NMNAT2: variants seen among roughly 807,000 people sequenced by gnomAD.
The protein encoded by NMNAT2 is nicotinamide nucleotide adenylyltransferase 2.
In NMNAT2, 11 loss-of-function variants were observed where a neutral mutation model predicts 41.6. The ratio of observed to expected loss-of-function variants is 0.26; its 90% CI spans 0.17 to 0.44. The LOEUF is 0.44. Among genes scored for constraint, NMNAT2 ranks in the 20% least tolerant of loss-of-function variants. NMNAT2 has a pLI of 1.00. For missense variants in NMNAT2, 288 were observed against 407.7 expected (o/e 0.71, Z 2.53); for synonymous variants, 148 against 151.2 (o/e 0.98, Z 0.16).
At chr1:183,304,698 C>A (rs759365887) in intron 1 of NMNAT2, 2 of 1,614,120 alleles carry the variant, frequency 1.2e-6, no homozygotes, top group South Asian at 2.2e-5. Context: ...CTTCCCAGAG[C>A]CCCTGGCAGG....
chr1:183,279,192 G>A (rs574390836), intron 7 of NMNAT2, among the ~76,000 whole-genome samples: 70 of 152,220 alleles, frequency 4.6e-4, no homozygotes, highest in African/African-American at 1.7e-3. Flanking sequence ...CAAGGCTGAG[G>A]CCCCTCCCAG....
intron 1 of NMNAT2, among the ~76,000 whole-genome samples, chr1:183,412,484 A>C (rs1291654968): frequency 6.6e-6 from 1 of 152,204 alleles, no homozygotes; most frequent in Non-Finnish European, 1.5e-5. Flanking sequence ...TGGCCTCCCA[A>C]AGTGCTGGGA....
intron 1 of NMNAT2, among the ~76,000 whole-genome samples, chr1:183,381,547 A>T (rs1283558231): frequency 1.3e-5 from 2 of 152,132 alleles, no homozygotes; most frequent in East Asian, 3.9e-4. Context: ...GATACAAAAA[A>T]TTAGCTGGGT....
At chr1:183,351,295 C>T (rs1160507783) in intron 1 of NMNAT2, among the ~76,000 whole-genome samples, 1 of 152,172 alleles carries the variant, frequency 6.6e-6, no homozygotes, top group Non-Finnish European at 1.5e-5. Flanking sequence ...GATGCTAGAC[C>T]CAACCTTCCC....
chr1:183,370,281 G>T (rs889337314), intron 1 of NMNAT2, among the ~76,000 whole-genome samples: 2 of 136,352 alleles, frequency 1.5e-5, no homozygotes, highest in Non-Finnish European at 3.2e-5. Flanking sequence ...CACACAGGCT[G>T]CAGTGGCAAG....
intron 1 of NMNAT2, among the ~76,000 whole-genome samples, chr1:183,415,946 AATT>A (rs1336530745): frequency 6.6e-6 from 1 of 152,118 alleles, no homozygotes; most frequent in Admixed American, 6.5e-5. Context: ...TTACTCTCTG[AATT>A]ATACTTTAAT....
intron 8 of NMNAT2, among the ~76,000 whole-genome samples, chr1:183,269,793 T>C (rs1660934981): frequency 6.6e-6 from 1 of 152,228 alleles, no homozygotes; most frequent in South Asian, 2.1e-4. Context: ...TGAATGTGAA[T>C]GGAATCCACC....
At chr1:183,258,102 C>T (rs538787187) in intron 10 of NMNAT2, among the ~76,000 whole-genome samples, 1 of 152,288 alleles carries the variant, frequency 6.6e-6, no homozygotes, top group African/African-American at 2.4e-5. Context: ...TCTTTTCCTT[C>T]CTACAGGAGC....
At chr1:183,415,651 T>C (rs1649232183) in intron 1 of NMNAT2, among the ~76,000 whole-genome samples, 1 of 152,232 alleles carries the variant, frequency 6.6e-6, no homozygotes, top group African/African-American at 2.4e-5. Context: ...GTTTCTCATT[T>C]GTAAAATAAG....
intron 1 of NMNAT2, among the ~76,000 whole-genome samples, chr1:183,308,170 C>G (rs1030944655): frequency 3.3e-5 from 5 of 152,168 alleles, no homozygotes; most frequent in Non-Finnish European, 5.9e-5. Flanking sequence ...TGCTGCTTTT[C>G]CCTCAACTGA....
chr1:183,281,898 C>A (rs534795808), intron 7 of NMNAT2, among the ~76,000 whole-genome samples: 1 of 152,248 alleles, frequency 6.6e-6, no homozygotes, highest in Non-Finnish European at 1.5e-5. Context: ...CGGGAGGCAG[C>A]GAGCTCCCTT....
At chr1:183,349,663 C>T (rs1003981463) in intron 1 of NMNAT2, among the ~76,000 whole-genome samples, 2 of 152,178 alleles carry the variant, frequency 1.3e-5, no homozygotes, top group African/African-American at 4.8e-5. Context: ...GGCTAAAATC[C>T]ACGGCAGCAG....
intron 1 of NMNAT2, among the ~76,000 whole-genome samples, chr1:183,311,361 A>G (rs1051802493): frequency 2.6e-5 from 4 of 152,200 alleles, no homozygotes; most frequent in African/African-American, 9.7e-5. Flanking sequence ...AAAAACTGTG[A>G]GGGAATAATT....
chr1:183,292,590 A>T (rs1006280147), intron 3 of NMNAT2, among the ~76,000 whole-genome samples, 200 bp downstream of exon 3: 1 of 152,228 alleles, frequency 6.6e-6, no homozygotes, highest in African/African-American at 2.4e-5. Context: ...CTTTACATTC[A>T]TGGGCCTCAC....
In NMNAT2 at chr1:183,256,685, T is replaced by C. The variant is rs144073319; in HGVS notation, c.822-3942A>G. On this transcript the variant is annotated intron_variant, in intron 10 of 10. Transcript: ENST00000287713. ...CATGTATAAGCTTCATGTTGTGTTG[T>C]TGAATTCAATTTGCTAATGTTTTAT... Among the ~76,000 whole-genome samples the C allele has an allele frequency of 3.8e-3, 579 of 152,328 alleles. 1 individual carries two copies. The highest frequency in any genetic ancestry group is 6.6e-3 in the Non-Finnish European group (448 of 68,024).
At chr1:183,289,237 T>G (rs1661471053) in intron 4 of NMNAT2, among the ~76,000 whole-genome samples, 1 of 152,310 alleles carries the variant, frequency 6.6e-6, no homozygotes, top group East Asian at 1.9e-4. Flanking sequence ...AGGGCTCTGC[T>G]GCAGAGTCCG....
chr1:183,389,603 G>A (rs894607217), intron 1 of NMNAT2, among the ~76,000 whole-genome samples: 4 of 151,476 alleles, frequency 2.6e-5, no homozygotes, highest in Non-Finnish European at 5.9e-5. Flanking sequence ...GGGCAGGGGG[G>A]CACATGCCTG....
chr1:183,316,604 C>T (rs895336114), intron 1 of NMNAT2, among the ~76,000 whole-genome samples: 6 of 152,186 alleles, frequency 3.9e-5, no homozygotes, highest in Non-Finnish European at 7.4e-5. Context: ...CCTGAGCTGT[C>T]CAGGCACGGG....
At chr1:183,370,886 C>T (rs1663522986) in intron 1 of NMNAT2, among the ~76,000 whole-genome samples, 1 of 152,194 alleles carries the variant, frequency 6.6e-6, no homozygotes, top group South Asian at 2.1e-4. Flanking sequence ...TGCTTTCCCA[C>T]TATAGCCCCA....
Sources: gnomAD v4.1 joint callset for allele counts (sites outside exome capture counted in the v4.1 genomes callset) on GRCh38, gnomAD v4.1.1 for gene constraint, MANE v1.5 for transcripts, NCBI Gene and HGNC (gene_info 2026-07-23, HGNC 2026-07-21) for gene names.